Variants in MYO16 observed in about 807,000 individuals in gnomAD.
MYO16 encodes unconventional myosin-XVI.
MYO16 carries 94 observed loss-of-function variants against 205.3 expected under a neutral mutation model. The ratio of observed to expected loss-of-function variants is 0.46; its 90% CI spans 0.39 to 0.54. The LOEUF is 0.54. Among genes scored for constraint, MYO16 ranks in the 20% least tolerant of loss-of-function variants. MYO16 has a pLI of 0.00. For synonymous variants in MYO16, 988 were observed against 954.0 expected, an observed-to-expected ratio of 1.04 and a Z score of -0.66; for missense variants, 2,315 against 2,387.5, an observed-to-expected ratio of 0.97 and a Z score of 0.63.
At chr13:108,910,830 A>G (rs997309152) in intron 16 of MYO16, among the ~76,000 whole-genome samples, 1 of 152,078 alleles carries the variant, frequency 6.6e-6, no homozygotes, top group East Asian at 1.9e-4. Flanking sequence ...CACAAGAGAG[A>G]ATTGGATTCT....
At chr13:108,684,048 G>T (rs1594206739) in intron 2 of MYO16, among the ~76,000 whole-genome samples, 1 of 152,296 alleles carries the variant, frequency 6.6e-6, no homozygotes, top group East Asian at 1.9e-4. Flanking sequence ...GATAATTTTT[G>T]TATTTTTAGT....
rs111779005 is a variant in MYO16 at position 108,891,688 on chromosome 13, C to T, written c.1659+3211C>T. Among the ~76,000 whole-genome samples, 806 of 152,164 alleles carry T rather than the reference C, an allele frequency of 5.3e-3. 5 individuals carry two copies. The highest frequency in any genetic ancestry group is 0.019 in the African/African-American group (773 of 41,520). ...CCTCTGATGCTGACATGTGTCTGGC[C>T]GTACACACATTTACAGAAAGATGCC... On this transcript the variant is annotated intron_variant, in intron 14 of 34. Coordinates refer to ENST00000457511, the MANE Select transcript of MYO16 (RefSeq NM_001198950.3).
At chr13:108,619,377 A>G (rs542887150) in intron 1 of MYO16, among the ~76,000 whole-genome samples, 1 of 152,270 alleles carries the variant, frequency 6.6e-6, no homozygotes, top group East Asian at 1.9e-4. Context: ...TTAAATTTCA[A>G]ATATAAACAT....
At chr13:109,137,252 G>A (rs983788815) in intron 31 of MYO16, among the ~76,000 whole-genome samples, 1 of 152,130 alleles carries the variant, frequency 6.6e-6, no homozygotes, top group Admixed American at 6.6e-5. Context: ...CCAGGCAGAG[G>A]CTGTATTGTC....
At chr13:109,094,297 A>G (rs569539048) in intron 27 of MYO16, among the ~76,000 whole-genome samples, 30 of 152,190 alleles carry the variant, frequency 2.0e-4, no homozygotes, top group South Asian at 1.9e-3. Context: ...TGCAACCTCA[A>G]CTTCCTGGGC....
chr13:108,922,396 G>A (rs1881783581), intron 16 of MYO16, among the ~76,000 whole-genome samples: 1 of 152,118 alleles, frequency 6.6e-6, no homozygotes, highest in South Asian at 2.1e-4. Context: ...TGCTGAGAGA[G>A]ATCTTTAAAA....
chr13:108,609,403 G>A (rs1022802505), intron 1 of MYO16, among the ~76,000 whole-genome samples: 2 of 152,188 alleles, frequency 1.3e-5, no homozygotes, highest in African/African-American at 4.8e-5. Flanking sequence ...ATCCCATGAG[G>A]GCAGGGCCCA....
In MYO16 at chr13:108,798,685, CTTATTTTTTTTTTT is replaced by C. The variant is rs1414995449; in HGVS notation, c.741+5048_741+5061del. Among the ~76,000 whole-genome samples the C allele has an allele frequency of 9.1e-3, 956 of 105,190 alleles. 14 individuals carry two copies. The highest frequency in any genetic ancestry group is 0.032 in the African/African-American group (891 of 27,626). The allele number at this position is 105,190 out of a possible 152,430, so 69.0% of individuals were successfully genotyped here. A position where few individuals can be genotyped will look rare whatever the true frequency, so the allele number is the denominator to read the frequency against. On this transcript the variant is annotated intron_variant, in intron 6 of 34. Coordinates refer to ENST00000457511, the MANE Select transcript of MYO16 (RefSeq NM_001198950.3). ...TGATATATCACATCTGGCCCCGAGG[CTTATTTTTTTTTTT>C]TTTTTTTTTTTTTTTTTGAGATGGA...
intron 14 of MYO16, among the ~76,000 whole-genome samples, chr13:108,888,821 G>A (rs1175963234): frequency 1.3e-5 from 2 of 152,106 alleles, no homozygotes; most frequent in African/African-American, 2.4e-5. Context: ...CTGGGAGGCC[G>A]AGGCATGTGA....
At chr13:108,681,248 A>G (rs1232674835) in intron 2 of MYO16, among the ~76,000 whole-genome samples, 2 of 152,148 alleles carry the variant, frequency 1.3e-5, no homozygotes, top group Non-Finnish European at 2.9e-5. Flanking sequence ...TATATTTGAT[A>G]TTCTCTGTAT....
chr13:109,134,761 C>T (rs1348905469), intron 31 of MYO16, among the ~76,000 whole-genome samples: 1 of 152,162 alleles, frequency 6.6e-6, no homozygotes, highest in African/African-American at 2.4e-5. Context: ...TCCCTTCTGC[C>T]ACGTTCCTTC....
intron 12 of MYO16, 91 bp from the exon 13 acceptor site, chr13:108,882,968 T>C: frequency 6.6e-7 from 1 of 1,504,158 alleles, no homozygotes; most frequent in Non-Finnish European, 9.0e-7. Flanking sequence ...TTCACTTCTG[T>C]ATCTTGGACA....
At chr13:108,806,443 A>G (rs1232855919) in intron 6 of MYO16, among the ~76,000 whole-genome samples, 1 of 152,202 alleles carries the variant, frequency 6.6e-6, no homozygotes, top group Non-Finnish European at 1.5e-5. Flanking sequence ...TTACATGAAA[A>G]AGTGCACACT....
In MYO16 at chr13:108,823,257, T is replaced by C. The variant is rs775355097; in HGVS notation, c.1076T>C (p.Leu359Pro). The change falls in exon 9 of 35, where the codon CTT becomes CCT. Residue 359 changes from leucine to proline, a missense_variant. Physicochemically the swap from Leu to Pro is moderately conservative, Grantham distance 98. Coordinates refer to ENST00000457511, the MANE Select transcript of MYO16 (RefSeq NM_001198950.3). ...CCCTATGAAGAGATCATTCACGATC[T>C]TCCCGTACTGTCGAGTAAGCTGTAA... ...EEPYEEIIHDLPVLSSKLSPL... is the reference protein window; with the variant it reads ...EEPYEEIIHDPPVLSSKLSPL... 6.2e-7 allele frequency: 1 copy of C among 1,611,504 alleles called. No homozygotes were observed. Among genetic ancestry groups the C allele is most frequent in the Non-Finnish European group, 8.5e-7 (1 of 1,178,584 alleles).
upstream of MYO16, among the ~76,000 whole-genome samples, chr13:108,591,929 T>C (rs12427432): frequency 0.053 from 7,987 of 152,116 alleles, 311 homozygotes; most frequent in Admixed American, 0.11. Context: ...TTTTCTAGCG[T>C]GGAGACTAAG....
intron 9 of MYO16, among the ~76,000 whole-genome samples, chr13:108,831,071 G>A (rs949218939): frequency 3.9e-5 from 6 of 151,990 alleles, no homozygotes; most frequent in Admixed American, 6.6e-5. Context: ...CAGTGATCTC[G>A]GGGCAGTTTT....
At chr13:108,506,186 T>C in the MYO16 span, among the ~76,000 whole-genome samples, 1 of 152,120 alleles carries the variant, frequency 6.6e-6, no homozygotes, top group African/African-American at 2.4e-5. Context: ...TTCTTTTCAA[T>C]TTTTGCCAAA....
intron 4 of MYO16, among the ~76,000 whole-genome samples, chr13:108,728,629 T>TC (rs771220103): frequency 7.2e-5 from 11 of 152,216 alleles, no homozygotes; most frequent in Non-Finnish European, 1.2e-4. Context: ...AGTCTCTGCC[T>TC]CCATCAGCAC....
the MYO16 span, among the ~76,000 whole-genome samples, chr13:108,564,733 A>G: frequency 6.6e-6 from 1 of 152,154 alleles, no homozygotes; most frequent in Non-Finnish European, 1.5e-5. Context: ...GCCCAGAACA[A>G]TGTCCTAGAG....
Sources: allele counts gnomAD v4.1 joint callset (sites outside exome capture counted in the v4.1 genomes callset), GRCh38; gene constraint gnomAD v4.1.1; transcripts MANE v1.5; gene names NCBI Gene and HGNC (gene_info 2026-07-23, HGNC 2026-07-21).